The following ANKS4B variants were observed in gnomAD, a reference collection of about 807,000 sequenced individuals.
ANKS4B encodes ankyrin repeat and sterile alpha motif domain containing 4B, also known as ankyrin repeat and SAM domain-containing protein 4B.
ANKS4B carries 21 observed loss-of-function variants against 20.2 expected under a neutral mutation model. That is an observed-to-expected ratio of 1.04 (90% confidence interval 0.74 to 1.50). ANKS4B has a LOEUF of 1.50. Ranked by LOEUF, ANKS4B falls within the 40% of genes most tolerant of loss-of-function variation. The pLI is 0.00. For synonymous variants in ANKS4B, 179 were observed against 194.5 expected (o/e 0.92, Z 0.66); for missense variants, 473 against 494.6 (o/e 0.96, Z 0.41).
intron 1 of ANKS4B, among the ~76,000 whole-genome samples, chr16:21,236,313 C>T (rs1226781569): frequency 6.6e-6 from 1 of 152,162 alleles, no homozygotes; most frequent in African/African-American, 2.4e-5. Flanking sequence ...ATCCAGTCAC[C>T]TCCCACCAGT....
At chr16:21,235,639 G>T in intron 1 of ANKS4B, among the ~76,000 whole-genome samples, 1 of 152,184 alleles carries the variant, frequency 6.6e-6, no homozygotes, top group East Asian at 1.9e-4. Context: ...CAGTTTGGAT[G>T]TAGAATCAAT....
chr16:21,250,180 T>G lies in ANKS4B; in HGVS notation c.614T>G (p.Phe205Cys). 6.2e-7 allele frequency: 1 copy of G among 1,614,108 alleles called. No individual in the cohort carries two copies. The highest frequency in any genetic ancestry group is 8.5e-7 in the Non-Finnish European group (1 of 1,180,038). The change falls in exon 2 of 2, where the codon TTC becomes TGC. Residue 205 changes from phenylalanine to cysteine, a missense_variant. Physicochemically the swap from Phe to Cys is radical, Grantham distance 205. Transcript: ENST00000311620. Reference sequence around the variant, plus strand: ...CTATCTAAGGGCATTAAAGACACTTTCAAGATCAAGTTCAAGAAGAACAAA... The same window carrying G: ...CTATCTAAGGGCATTAAAGACACTTGCAAGATCAAGTTCAAGAAGAACAAA... ...GSLSKGIKDT[F>C]KIKFKKNKDT...
At chr16:21,238,696 T>C (rs2093323105) in intron 1 of ANKS4B, among the ~76,000 whole-genome samples, 1 of 151,740 alleles carries the variant, frequency 6.6e-6, no homozygotes. Context: ...TTATAGTCTA[T>C]CTCTTTCTCC....
intron 1 of ANKS4B, among the ~76,000 whole-genome samples, chr16:21,240,841 A>G (rs563714599): frequency 6.6e-5 from 10 of 150,696 alleles, no homozygotes; most frequent in Non-Finnish European, 1.2e-4. Flanking sequence ...CCTAGGCTGG[A>G]GTGCAGTGGC....
At chr16:21,241,201 C>T (rs756406509) in intron 1 of ANKS4B, among the ~76,000 whole-genome samples, 41 of 152,260 alleles carry the variant, frequency 2.7e-4, no homozygotes, top group Non-Finnish European at 1.8e-4. Flanking sequence ...AGGTAGTGAG[C>T]ATGGTACCAA....
At chr16:21,239,701 A>C (rs557205967) in intron 1 of ANKS4B, among the ~76,000 whole-genome samples, 1 of 152,376 alleles carries the variant, frequency 6.6e-6, no homozygotes, top group East Asian at 1.9e-4. Context: ...GAAATGTGGT[A>C]CATATACAGC....
intron 1 of ANKS4B, among the ~76,000 whole-genome samples, chr16:21,234,368 A>AT (rs941726549): frequency 6.6e-6 from 1 of 151,508 alleles, no homozygotes; most frequent in Admixed American, 6.6e-5. Flanking sequence ...CAAGCTCATG[A>AT]TTTTTTTATT....
rs1017168085 is a variant in ANKS4B, at chr16:21,253,653, A to G, written c.*2833A>G. The G allele has an allele frequency of 1.3e-5, 2 of 152,106 alleles. No homozygotes were observed. Among genetic ancestry groups the G allele is most frequent in the African/African-American group, 4.8e-5 (2 of 41,400 alleles). The allele number at this position is 152,106 out of a possible 1,614,324, so 9.4% of individuals were successfully genotyped here. ...CAGGTTGGTAGAAATGAACTTGAAC[A>G]TTGACTCTCATCCCTTTTTAGGAGA... is the stretch of plus-strand genomic sequence containing the variant. On this transcript the variant is annotated 3_prime_UTR_variant, in exon 2 of 2. Coordinates refer to ENST00000311620, the MANE Select transcript of ANKS4B (RefSeq NM_145865.3).
At chr16:21,243,612 C>G (rs188801285) in intron 1 of ANKS4B, among the ~76,000 whole-genome samples, 15 of 152,160 alleles carry the variant, frequency 9.9e-5, no homozygotes, top group African/African-American at 2.6e-4. Flanking sequence ...TGCTCTGTTG[C>G]CTGGGCTGGA....
At chr16:21,247,911 C>A in intron 1 of ANKS4B, among the ~76,000 whole-genome samples, 1 of 152,150 alleles carries the variant, frequency 6.6e-6, no homozygotes, top group South Asian at 2.1e-4. Flanking sequence ...CTTATATGAA[C>A]CTGCAGTCAT....
chr16:21,242,148 A>G (rs2093327267), intron 1 of ANKS4B, among the ~76,000 whole-genome samples: 2 of 152,198 alleles, frequency 1.3e-5, no homozygotes. Flanking sequence ...CCAACTCCCC[A>G]GTCTGCCTCT....
chr16:21,233,756 C>G lies in ANKS4B; in HGVS notation c.19C>G (p.Gln7Glu), dbSNP rs770876361. The G allele has an allele frequency of 6.2e-7, 1 of 1,613,844 alleles. No homozygotes were observed. Among genetic ancestry groups the G allele is most frequent in the Non-Finnish European group, 8.5e-7 (1 of 1,179,886 alleles). The change falls in exon 1 of 2, where the codon CAA (glutamine) becomes GAA (glutamate). Residue 7 changes from glutamine (Q) to glutamate (E), a missense_variant. Coordinates refer to ENST00000311620, the MANE Select transcript of ANKS4B (RefSeq NM_145865.3). ...AGGAAAAATGTCTACTCGTTACCAC[C>G]AAGCTGCTAGTGATAGTTACCTGGA... MSTRYH[Q>E]AASDSYLELL...
intron 1 of ANKS4B, among the ~76,000 whole-genome samples, chr16:21,241,626 G>C (rs1470398221): frequency 6.6e-6 from 1 of 152,064 alleles, no homozygotes; most frequent in African/African-American, 2.4e-5. Flanking sequence ...TGGCCGGGCT[G>C]GTCTCAAACT....
At chr16:21,234,950 G>C (rs1364929361) in intron 1 of ANKS4B, among the ~76,000 whole-genome samples, 1 of 152,180 alleles carries the variant, frequency 6.6e-6, no homozygotes, top group Non-Finnish European at 1.5e-5. Flanking sequence ...CCAGGCTCAA[G>C]TGGTCCTCCC....
chr16:21,242,196 AC>A (rs1273148254), intron 1 of ANKS4B, among the ~76,000 whole-genome samples: 4 of 151,612 alleles, frequency 2.6e-5, no homozygotes, highest in African/African-American at 9.7e-5. Context: ...CTTCTAGGAG[AC>A]TTTTCTTTTA....
chr16:21,234,522 C>CA (rs1380262253), intron 1 of ANKS4B, among the ~76,000 whole-genome samples: 2 of 121,256 alleles, frequency 1.6e-5, no homozygotes, highest in African/African-American at 5.3e-5. Flanking sequence ...ACACACACAC[C>CA]CCATCTCTTT....
chr16:21,239,506 G>C (rs75515052), intron 1 of ANKS4B, among the ~76,000 whole-genome samples: 117 of 152,206 alleles, frequency 7.7e-4, no homozygotes, highest in African/African-American at 2.5e-3. Flanking sequence ...GCTTGAACCC[G>C]CAAGGAGAAG....
intron 1 of ANKS4B, among the ~76,000 whole-genome samples, chr16:21,237,978 A>G (rs1293839651): frequency 6.6e-6 from 1 of 152,178 alleles, no homozygotes; most frequent in Non-Finnish European, 1.5e-5. Flanking sequence ...CCTGGCCAAC[A>G]TGGTGAAACC....
At position 21,250,891 on chromosome 16, in the gene ANKS4B, C is replaced by G; in HGVS notation, c.*71C>G. 1 of 1,516,774 alleles carries G rather than the reference C, an allele frequency of 6.6e-7. No individual in the cohort carries two copies. 94.0% of individuals were successfully genotyped at this position (1,516,774 alleles called of 1,614,324 possible). The stretch of plus-strand genomic sequence containing the variant: ...GGCAGCACTCCAGGCGGCACCCCCT[C>G]TTTACCCAATGCCAGACCACTGGGA... On this transcript the variant is annotated 3_prime_UTR_variant, in exon 2 of 2. Transcript: ENST00000311620.
Sources: gnomAD v4.1 joint callset for allele counts (sites outside exome capture counted in the v4.1 genomes callset) on GRCh38, gnomAD v4.1.1 for gene constraint, MANE v1.5 for transcripts, NCBI Gene and HGNC (gene_info 2026-07-23, HGNC 2026-07-21) for gene names.